The following ASAH2 variants were observed in gnomAD, a reference collection of about 807,000 sequenced individuals.
The protein encoded by ASAH2 is N-acylsphingosine amidohydrolase 2.
ASAH2 carries 58 observed loss-of-function variants against 82.9 expected under a neutral mutation model. That is an observed-to-expected ratio of 0.70 (90% CI 0.57 to 0.87). The LOEUF is 0.87. ASAH2 is among the 40% of genes least tolerant of loss of function. ASAH2 has a pLI of 0.00. For synonymous variants in ASAH2, 276 were observed against 289.7 expected (o/e 0.95, Z 0.48); for missense variants, 779 against 834.0 (o/e 0.93, Z 0.81).
intron 10 of ASAH2, among the ~76,000 whole-genome samples, chr10:50,211,549 T>A (rs1319145221): frequency 6.6e-6 from 1 of 152,126 alleles, no homozygotes; most frequent in Admixed American, 6.6e-5. Flanking sequence ...CTGCAGCAGG[T>A]TGGGGACAAA....
rs1035119227 is a variant in ASAH2, at chr10:50,213,452, T to G, written c.1141-394A>C. On this transcript the variant is annotated intron_variant, in intron 9 of 20. Coordinates refer to ENST00000682911, the MANE Select transcript of ASAH2 (RefSeq NM_019893.4). Reference sequence around the variant, plus strand: ...CCTTAAACTGAAACTCGATTAAAATTATATTGGAACAACTAGCTGGACTTC... The same window carrying G: ...CCTTAAACTGAAACTCGATTAAAATGATATTGGAACAACTAGCTGGACTTC... Among the ~76,000 whole-genome samples, 1,000 of 152,252 alleles carry G rather than the reference T, an allele frequency of 6.6e-3. 5 individuals are homozygous for G. Among genetic ancestry groups the G allele is most frequent in the Non-Finnish European group, 9.4e-3 (638 of 68,010 alleles).
rs1447118988 is a variant in ASAH2, at chr10:50,185,956, G to T, written c.*1359C>A. 34 of 148,054 alleles carry T rather than the reference G, an allele frequency of 2.3e-4. No homozygotes were observed. Among genetic ancestry groups the T allele is most frequent in the African/African-American group, 8.5e-4 (33 of 39,008 alleles). 9.2% of individuals were successfully genotyped at this position (148,054 alleles called of 1,614,324 possible). On this transcript the variant is annotated 3_prime_UTR_variant, in exon 21 of 21. Transcript: ENST00000682911. The stretch of plus-strand genomic sequence containing the variant: ...GTTTGGAAATTTGCTTTGCAGTCTG[G>T]GAGGTTGTAGTTAACTTAAAGAATT...
rs1463621787 is a variant in ASAH2, at chr10:50,243,308, G to T, written c.404C>A (p.Thr135Asn). Reference sequence around the variant, plus strand: ...GATGAAGGCACGACTGTATAGCCTGGTGAGGATGCCCTGTGCATTCTGGCC... The same window carrying T: ...GATGAAGGCACGACTGTATAGCCTGTTGAGGATGCCCTGTGCATTCTGGCC... ...KSGQNAQGIL[T>N]RLYSRAFIMA... is the part of the protein sequence containing the mutation. Residue 135 changes from threonine to asparagine, a missense_variant, in exon 4 of 21, where the codon ACC becomes AAC. Thr to Asn is a moderately conservative substitution (Grantham distance 65, BLOSUM62 0). This residue lies in a region of ASAH2 where 759 missense variants were observed against 755.2 expected (regional missense o/e 1.00). Coordinates refer to ENST00000682911, the MANE Select transcript of ASAH2 (RefSeq NM_019893.4). 6 of 1,614,116 alleles carry T rather than the reference G, an allele frequency of 3.7e-6. No individual in the cohort carries two copies. The highest frequency in any genetic ancestry group is 5.1e-6 in the Non-Finnish European group (6 of 1,179,990).
Position 50,245,361 on chromosome 10 carries a change from G to A in ASAH2, c.221C>T (p.Thr74Ile), listed in dbSNP as rs757786642. ...AGTGGCTGTGGAGCTCTGGGTGGCTGTGGAATGCTGGGTGGCTGTGGAGCG... is the reference window on the plus strand; with the variant it reads ...AGTGGCTGTGGAGCTCTGGGTGGCTATGGAATGCTGGGTGGCTGTGGAGCG... ...AQRSTATQHS[T>I]ATQSSTATQT... is the part of the protein sequence containing the mutation. Residue 74 changes from threonine (T) to isoleucine (I), a missense_variant, in exon 3 of 21, where the codon ACA (threonine) becomes ATA (isoleucine). By Grantham distance (89) the Thr-to-Ile change is moderately conservative. Coordinates refer to ENST00000682911, the MANE Select transcript of ASAH2 (RefSeq NM_019893.4). 1.2e-6 allele frequency: 2 copies of A among 1,613,864 alleles called. No homozygotes were observed. Among genetic ancestry groups the A allele is most frequent in the South Asian group, 1.1e-5 (1 of 91,054 alleles).
At chr10:50,231,769 C>T (rs1846027507) in intron 7 of ASAH2, among the ~76,000 whole-genome samples, 1 of 152,018 alleles carries the variant, frequency 6.6e-6, no homozygotes, top group South Asian at 2.1e-4. Flanking sequence ...ACTTTTAACA[C>T]AAAAGAGGAA....
intron 4 of ASAH2, among the ~76,000 whole-genome samples, chr10:50,242,838 T>C (rs1846340076): frequency 1.3e-5 from 2 of 152,312 alleles, no homozygotes; most frequent in Non-Finnish European, 1.5e-5. Context: ...GTCTGAGAAC[T>C]TGAAGAAGTG....
intron 18 of ASAH2, among the ~76,000 whole-genome samples, chr10:50,193,280 T>C (rs2133192842): frequency 6.6e-6 from 1 of 151,804 alleles, no homozygotes; most frequent in South Asian, 2.1e-4. Flanking sequence ...CAGCTCAATG[T>C]CATCAGAGTT....
chr10:50,198,686 T>A (rs2133197478), intron 17 of ASAH2, among the ~76,000 whole-genome samples: 1 of 152,112 alleles, frequency 6.6e-6, no homozygotes, highest in East Asian at 1.9e-4. Flanking sequence ...CTCCCAGGTG[T>A]AGTAAGCTTC....
Position 50,205,089 on chromosome 10 carries a change from G to A in ASAH2, c.1531-134C>T, listed in dbSNP as rs1258960582. 8 of 599,416 alleles carry A rather than the reference G, an allele frequency of 1.3e-5. 1 individual carries two copies. The highest frequency in any genetic ancestry group is 2.0e-5 in the Non-Finnish European group (7 of 344,064). 37.1% of individuals were successfully genotyped at this position (599,416 alleles called of 1,614,324 possible). A position where few individuals can be genotyped will look rare whatever the true frequency, so the allele number is the denominator to read the frequency against. ...TTAAATATTCTATATGGGCATTTAT[G>A]TCCTAGTCATAACATGAGAATTTCA... On this transcript the variant is annotated intron_variant, in intron 13 of 20. Transcript: ENST00000682911.
intron 5 of ASAH2, 138 bp downstream of exon 5, chr10:50,235,750 G>T: frequency 1.1e-6 from 1 of 905,494 alleles, no homozygotes; most frequent in East Asian, 2.4e-5. Context: ...GATAGAGTCA[G>T]GGAGGAGAAA....
At chr10:50,234,882 T>C (rs1846115317) in intron 5 of ASAH2, among the ~76,000 whole-genome samples, 1 of 152,140 alleles carries the variant, frequency 6.6e-6, no homozygotes, top group Non-Finnish European at 1.5e-5. Context: ...ATGGGAGACT[T>C]GACTCCTACA....
chr10:50,249,964 G>A (rs923200308), intron 1 of ASAH2, among the ~76,000 whole-genome samples: 2 of 152,122 alleles, frequency 1.3e-5, no homozygotes, highest in African/African-American at 4.8e-5. Context: ...CAATGTAGAT[G>A]TATTTAGTAC....
chr10:50,245,431 T>C lies in ASAH2; in HGVS notation c.151A>G (p.Thr51Ala), dbSNP rs7067625. Residue 51 changes from threonine (T) to alanine (A), a missense_variant, in exon 3 of 21, where the codon ACC (threonine) becomes GCC (alanine). Physicochemically the swap from Thr to Ala is moderately conservative, Grantham distance 58 (BLOSUM62 0). Transcript: ENST00000682911. ...TGGGTGGCTGGAGGGCTTTGGGTGG[T>C]TGAAAAAAAATGGCCTCCTAAATCT... is the stretch of plus-strand genomic sequence containing the variant. ...HKDLGGHFFS[T>A]TQSPPATQGS... 2,231 of 1,612,722 alleles carry C rather than the reference T, an allele frequency of 1.4e-3. 35 individuals are homozygous for C. In the African/African-American group the frequency reaches 0.027, roughly 20 times the overall value.
intron 7 of ASAH2, among the ~76,000 whole-genome samples, chr10:50,224,216 AC>A (rs1371410982): frequency 6.6e-6 from 1 of 152,146 alleles, no homozygotes; most frequent in East Asian, 1.9e-4. Flanking sequence ...AATAACTAAT[AC>A]ATGTGAGGTG....
chr10:50,236,804 G>A (rs1271878972), intron 4 of ASAH2, among the ~76,000 whole-genome samples: 1 of 152,100 alleles, frequency 6.6e-6, no homozygotes, highest in Non-Finnish European at 1.5e-5. Flanking sequence ...ATAAGTAGCA[G>A]AGCCAGACTC....
At chr10:50,200,786 C>T (rs1845127215) in intron 16 of ASAH2, among the ~76,000 whole-genome samples, 1 of 152,050 alleles carries the variant, frequency 6.6e-6, no homozygotes, top group Admixed American at 6.6e-5. Context: ...GTAATACTTG[C>T]TGGAGTATAT....
intron 7 of ASAH2, among the ~76,000 whole-genome samples, chr10:50,223,979 G>T (rs1845814289): frequency 6.6e-6 from 1 of 152,112 alleles, no homozygotes; most frequent in Admixed American, 6.6e-5. Flanking sequence ...CTTGAATTTG[G>T]ACTTCTGGCC....
chr10:50,239,643 T>G (rs1846243204), intron 4 of ASAH2, among the ~76,000 whole-genome samples: 1 of 152,100 alleles, frequency 6.6e-6, no homozygotes, highest in Non-Finnish European at 1.5e-5. Context: ...ATAAGTTACT[T>G]GGCCCTCTGC....
intron 3 of ASAH2, among the ~76,000 whole-genome samples, chr10:50,244,315 A>C (rs1257266757): frequency 1.3e-5 from 2 of 152,164 alleles, no homozygotes; most frequent in Non-Finnish European, 2.9e-5. Context: ...ATCAGATCAC[A>C]TACACCTATC....
Sources: allele counts gnomAD v4.1 joint callset (sites outside exome capture counted in the v4.1 genomes callset), GRCh38; gene constraint gnomAD v4.1.1; regional missense constraint gnomAD v4.1.1; transcripts MANE v1.5; gene names NCBI Gene and HGNC (gene_info 2026-07-23, HGNC 2026-07-21).